Variants in MRPS31 observed in about 807,000 individuals in gnomAD.
The protein encoded by MRPS31 is small ribosomal subunit protein mS31.
A neutral mutation model predicts 43.1 loss-of-function variants in MRPS31; 32 were observed. The observed-to-expected ratio is 0.74, with a 90% CI of 0.56 to 1.00. The LOEUF is 1.00. MRPS31 is among the 50% of genes least tolerant of loss of function. The pLI is 0.00. For synonymous variants in MRPS31, 165 were observed against 161.6 expected (o/e 1.02, Z -0.16); for missense variants, 437 against 466.7 (o/e 0.94, Z 0.59).
chr13:40,742,561 C>A (rs73457378), intron 6 of MRPS31, among the ~76,000 whole-genome samples: 6,840 of 152,246 alleles, frequency 0.045, 316 homozygotes, highest in East Asian at 0.14. Flanking sequence ...ATACCTAATA[C>A]TCTTTACGCT....
At position 40,771,072 on chromosome 13, in the gene MRPS31, C is replaced by T. The variant is rs1880995530; in HGVS notation, c.65G>A (p.Gly22Glu). 1.2e-6 allele frequency: 2 copies of T among 1,613,946 alleles called. No homozygotes were observed. The highest frequency in any genetic ancestry group is 8.5e-7 in the Non-Finnish European group (1 of 1,180,002). ...CGCAGCCGCTGATGTCTCCGGGCTT[C>T]CAGAGGACAAAGGGTGGCGGGAAAG... is the stretch of plus-strand genomic sequence containing the variant. Reference protein sequence around the residue: ...RPLSRHPLSSGSPETSAAAIM... With the variant: ...RPLSRHPLSSESPETSAAAIM... Residue 22 changes from glycine (G) to glutamate (E), a missense_variant, in exon 1 of 7, where the codon GGA becomes GAA. Transcript: ENST00000323563.
At chr13:40,770,475 A>C (rs1880975877) in intron 1 of MRPS31, among the ~76,000 whole-genome samples, 1 of 152,150 alleles carries the variant, frequency 6.6e-6, no homozygotes, top group Admixed American at 6.5e-5. Flanking sequence ...CCTATTTGCT[A>C]TCCCAGCAAG....
intron 4 of MRPS31, among the ~76,000 whole-genome samples, 189 bp downstream of exon 4, chr13:40,756,684 T>C (rs1880537118): frequency 6.6e-6 from 1 of 152,242 alleles, no homozygotes; most frequent in South Asian, 2.1e-4. Context: ...ACTACAGGAC[T>C]GGCTAAATCC....
In MRPS31 at chr13:40,749,054, TA is replaced by T; in HGVS notation, c.958+83del. 2.2e-6 allele frequency: 3 copies of T among 1,351,470 alleles called. No homozygotes were observed. The South Asian group carries it at 4.5e-5, about 20-fold the overall frequency. The allele number at this position is 1,351,470 out of a possible 1,614,324, so 83.7% of individuals were successfully genotyped here. The stretch of plus-strand genomic sequence containing the variant: ...TCCACAAAAGGTTTTGAAATTCATG[TA>T]AGTATCTATACTCTAAAAGTAAATA... On this transcript the variant is annotated intron_variant, in intron 6 of 6. Coordinates refer to ENST00000323563, the MANE Select transcript of MRPS31 (RefSeq NM_005830.4).
At chr13:40,761,472 CATTTCATAACAAT>C (rs1880693323) in intron 2 of MRPS31, among the ~76,000 whole-genome samples, 1 of 152,102 alleles carries the variant, frequency 6.6e-6, no homozygotes, top group Non-Finnish European at 1.5e-5. Context: ...TAGAATCATA[CATTTCATAACAAT>C]GGTTTCCTAT....
At chr13:40,736,298 C>A (rs566358734) in intron 6 of MRPS31, among the ~76,000 whole-genome samples, 1 of 152,112 alleles carries the variant, frequency 6.6e-6, no homozygotes, top group African/African-American at 2.4e-5. Context: ...ACCGAATCTA[C>A]GTCTGATTGG....
intron 6 of MRPS31, among the ~76,000 whole-genome samples, chr13:40,734,037 G>A (rs573105355): frequency 1.0e-3 from 153 of 151,838 alleles, no homozygotes; most frequent in Non-Finnish European, 1.6e-3. Context: ...GCTGAGGCAG[G>A]AGAATAGCTT....
At chr13:40,759,818 G>A (rs979261699) in intron 2 of MRPS31, among the ~76,000 whole-genome samples, 8 of 152,082 alleles carry the variant, frequency 5.3e-5, no homozygotes, top group South Asian at 2.1e-4. Context: ...TAACCAGTTC[G>A]CAGAAACTTT....
chr13:40,737,446 A>G (rs1054030623), intron 6 of MRPS31, among the ~76,000 whole-genome samples: 125 of 152,146 alleles, frequency 8.2e-4, no homozygotes, highest in Non-Finnish European at 1.5e-3. Flanking sequence ...ATAGACATCT[A>G]CAAAACTCTC....
intron 6 of MRPS31, among the ~76,000 whole-genome samples, chr13:40,743,625 G>A (rs544065212): frequency 1.2e-4 from 18 of 152,274 alleles, no homozygotes; most frequent in African/African-American, 4.1e-4. Context: ...GATCATCCGG[G>A]CAATGCAAAT....
intron 6 of MRPS31, among the ~76,000 whole-genome samples, chr13:40,737,944 C>G (rs867546897): frequency 7.9e-5 from 12 of 151,832 alleles, no homozygotes; most frequent in Non-Finnish European, 1.3e-4. Context: ...AATCAGAGCA[C>G]AACTGAAGGA....
At chr13:40,734,796 T>C (rs1014548364) in intron 6 of MRPS31, among the ~76,000 whole-genome samples, 5 of 152,156 alleles carry the variant, frequency 3.3e-5, no homozygotes, top group Admixed American at 3.3e-4. Context: ...CTAGAAAGGC[T>C]GAGATGGGAG....
rs1482066030 is a variant in MRPS31, at chr13:40,750,396, T to C, written c.815-1115A>G. On this transcript the variant is annotated intron_variant, in intron 5 of 6. Transcript: ENST00000323563. Reference sequence around the variant, plus strand: ...TGTGGGGTGTGTGTGTTTGCGTGTATTGCAAAAGGACACAAGGAAACTTTG... The same window carrying C: ...TGTGGGGTGTGTGTGTTTGCGTGTACTGCAAAAGGACACAAGGAAACTTTG... Among the ~76,000 whole-genome samples, 7 of 152,192 alleles carry C rather than the reference T, an allele frequency of 4.6e-5. No homozygotes were observed. In the East Asian group the frequency reaches 1.2e-3, roughly 25 times the overall value.
chr13:40,769,410 ATATATATATATT>A (rs1331162289), intron 1 of MRPS31, among the ~76,000 whole-genome samples: 28 of 101,860 alleles, frequency 2.7e-4, no homozygotes, highest in African/African-American at 9.9e-4. Context: ...ATATATATAT[ATATATATATATT>A]ATCAAGTTCT....
rs1429380108 is a variant in MRPS31 at position 40,758,977 on chromosome 13, T to C, written c.570A>G (p.Ala190=). 6.2e-7 allele frequency: 1 copy of C among 1,603,146 alleles called. No individual in the cohort carries two copies. Among genetic ancestry groups the C allele is most frequent in the South Asian group, 1.1e-5 (1 of 88,900 alleles). Residue 190 remains alanine, a synonymous_variant, in exon 3 of 7, where the codon GCA becomes GCG. Coordinates refer to ENST00000323563, the MANE Select transcript of MRPS31 (RefSeq NM_005830.4). ...QLQQHEEESR[A]QRDAKRPKIS... ...TTTTAGGTCGCTTTGCATCTCTCTGTGCCCTTGACTCTTCCTCATGCTGCT... is the reference window on the plus strand; with the variant it reads ...TTTTAGGTCGCTTTGCATCTCTCTGCGCCCTTGACTCTTCCTCATGCTGCT...
Position 40,766,828 on chromosome 13 carries a change from G to T in MRPS31, c.358C>A (p.Pro120Thr). 6.2e-7 allele frequency: 1 copy of T among 1,614,086 alleles called. No individual in the cohort carries two copies. Among genetic ancestry groups the T allele is most frequent in the African/African-American group, 1.3e-5 (1 of 75,024 alleles). ...CTTTTAAGTGGTCTTCTTTTGGGGG[G>T]CTTTGTTGTTCGTACATTTACTGTG... is the stretch of plus-strand genomic sequence containing the variant. ...LSTVNVRTTKPPKRRPLKSLE... is the reference protein window; with the variant it reads ...LSTVNVRTTKTPKRRPLKSLE... Residue 120 changes from proline (P) to threonine (T), a missense_variant, in exon 2 of 7, where the codon CCC (proline) becomes ACC (threonine). Coordinates refer to ENST00000323563, the MANE Select transcript of MRPS31 (RefSeq NM_005830.4).
intron 6 of MRPS31, among the ~76,000 whole-genome samples, chr13:40,746,369 T>A (rs1880240007): frequency 6.6e-6 from 1 of 152,168 alleles, no homozygotes; most frequent in South Asian, 2.1e-4. Context: ...GCGATCAAAG[T>A]AAGAGTTTCC....
At chr13:40,739,244 C>G (rs1399585182) in intron 6 of MRPS31, among the ~76,000 whole-genome samples, 1 of 152,038 alleles carries the variant, frequency 6.6e-6, no homozygotes, top group Non-Finnish European at 1.5e-5. Context: ...ATGTAAAGGA[C>G]CTCTTCAAGG....
intron 6 of MRPS31, among the ~76,000 whole-genome samples, chr13:40,733,306 A>G (rs745948503): frequency 5.4e-4 from 82 of 152,090 alleles, no homozygotes; most frequent in Admixed American, 3.5e-3. Context: ...GCCCAGCCCA[A>G]TGAAGCATTT....
Sources: allele counts gnomAD v4.1 joint callset (sites outside exome capture counted in the v4.1 genomes callset), GRCh38; gene constraint gnomAD v4.1.1; transcripts MANE v1.5; gene names NCBI Gene and HGNC (gene_info 2026-07-23, HGNC 2026-07-21).